The following MARCHF3 variants were observed in gnomAD, a reference collection of about 807,000 sequenced individuals.
MARCHF3 encodes the protein E3 ubiquitin-protein ligase MARCHF3.
Under a neutral mutation model 24.2 loss-of-function variants are expected in MARCHF3, and 13 were observed. The observed-to-expected ratio is 0.54, with a 90% CI of 0.35 to 0.85. The LOEUF (loss-of-function observed/expected upper bound fraction) is 0.85, where lower values mean the gene tolerates loss of function less well. Among genes scored for constraint, MARCHF3 ranks in the 40% least tolerant of loss-of-function variants. The pLI is 0.01. For missense variants in MARCHF3, 276 were observed against 325.0 expected, an observed-to-expected ratio of 0.85 and a Z score of 1.16; for synonymous variants, 144 against 137.3, an observed-to-expected ratio of 1.05 and a Z score of -0.34.
chr5:127,002,349 G>T (rs1171362253), intron 1 of MARCHF3, among the ~76,000 whole-genome samples: 1 of 152,124 alleles, frequency 6.6e-6, no homozygotes, highest in African/African-American at 2.4e-5. Context: ...TACCACTTAA[G>T]TCTGGCTTAT....
chr5:126,871,310 C>G (rs995597107), intron 4 of MARCHF3, among the ~76,000 whole-genome samples: 1 of 152,186 alleles, frequency 6.6e-6, no homozygotes, highest in African/African-American at 2.4e-5. Flanking sequence ...ACAACCTGCC[C>G]AACAGCCTGG....
At chr5:126,917,621 G>A (rs540119290) in intron 2 of MARCHF3, among the ~76,000 whole-genome samples, 4 of 152,188 alleles carry the variant, frequency 2.6e-5, no homozygotes, top group East Asian at 1.9e-4. Context: ...TGACTCAGTC[G>A]CCTGAAATCA....
chr5:126,889,488 G>C (rs994645450), intron 3 of MARCHF3, among the ~76,000 whole-genome samples: 1 of 151,994 alleles, frequency 6.6e-6, no homozygotes, highest in African/African-American at 2.4e-5. Flanking sequence ...TATCCAAGCA[G>C]AGTATGGTGG....
intron 1 of MARCHF3, among the ~76,000 whole-genome samples, chr5:126,994,113 C>T (rs1324749497): frequency 6.6e-6 from 1 of 152,206 alleles, no homozygotes; most frequent in African/African-American, 2.4e-5. Flanking sequence ...CTGGAAACAA[C>T]CCAAATGTCC....
Position 126,963,729 on chromosome 5 carries a change from T to A in MARCHF3, c.-56-45502A>T, listed in dbSNP as rs190270835. 2.0e-5 allele frequency among the ~76,000 whole-genome samples: 3 copies of A among 152,278 alleles called. No individual in the cohort carries two copies. In the East Asian group the frequency reaches 5.8e-4, roughly 29 times the overall value. The stretch of plus-strand genomic sequence containing the variant: ...CAGCTGAAAAAGAGCAAGTAGAGGA[T>A]TTTGACTCTTCTTTAATTGGTATAC... On this transcript the variant is annotated intron_variant, in intron 1 of 4. Coordinates refer to ENST00000308660, the MANE Select transcript of MARCHF3 (RefSeq NM_178450.5).
At chr5:126,874,126 G>A (rs571752806) in intron 4 of MARCHF3, among the ~76,000 whole-genome samples, 90 of 152,284 alleles carry the variant, frequency 5.9e-4, no homozygotes, top group Middle Eastern at 3.4e-3. Context: ...TATGGGATGC[G>A]CTTCCTGAAG....
At chr5:126,941,841 G>T (rs1157336805) in intron 1 of MARCHF3, among the ~76,000 whole-genome samples, 5 of 152,184 alleles carry the variant, frequency 3.3e-5, no homozygotes, top group African/African-American at 1.2e-4. Context: ...CGAGAGTCAG[G>T]TCCTGTAAGG....
At chr5:126,934,579 T>G (rs1198531931) in intron 1 of MARCHF3, among the ~76,000 whole-genome samples, 1 of 152,022 alleles carries the variant, frequency 6.6e-6, no homozygotes, top group Non-Finnish European at 1.5e-5. Flanking sequence ...TGCAAGCATC[T>G]CTAAAACAAA....
intron 1 of MARCHF3, among the ~76,000 whole-genome samples, chr5:126,944,046 A>G (rs112791227): frequency 0.051 from 7,773 of 151,910 alleles, 368 homozygotes; most frequent in South Asian, 0.14. Flanking sequence ...TCCTGACCTC[A>G]TGATCCACCC....
chr5:126,988,390 G>T lies in MARCHF3; in HGVS notation c.-57+41960C>A, dbSNP rs183686104. Among the ~76,000 whole-genome samples, 55 of 152,330 alleles carry T rather than the reference G, an allele frequency of 3.6e-4. 1 individual carries two copies. The highest frequency in any genetic ancestry group is 1.3e-3 in the African/African-American group (55 of 41,576). Reference sequence around the variant, plus strand: ...AGCCCCTTGCTCTTAAATACAGATGGATAACCAAAGTTCACCACTCATATC... The same window carrying T: ...AGCCCCTTGCTCTTAAATACAGATGTATAACCAAAGTTCACCACTCATATC... On this transcript the variant is annotated intron_variant, in intron 1 of 4. Transcript: ENST00000308660.
intron 3 of MARCHF3, among the ~76,000 whole-genome samples, chr5:126,880,318 C>T (rs964518222): frequency 3.3e-5 from 5 of 152,016 alleles, no homozygotes; most frequent in Admixed American, 6.6e-5. Flanking sequence ...AGTTTCACCT[C>T]GAAAGTGGAC....
chr5:126,921,680 T>C (rs1294170233), intron 1 of MARCHF3, among the ~76,000 whole-genome samples: 3 of 152,242 alleles, frequency 2.0e-5, no homozygotes, highest in Non-Finnish European at 2.9e-5. Flanking sequence ...GGTAAAGTAC[T>C]TCCCAGTCTA....
At position 126,870,559 on chromosome 5, in the gene MARCHF3, T is replaced by C; in HGVS notation, c.*74A>G. The C allele has an allele frequency of 7.0e-7, 1 of 1,421,304 alleles. No individual in the cohort carries two copies. Among genetic ancestry groups the C allele is most frequent in the Non-Finnish European group, 9.8e-7 (1 of 1,017,032 alleles). 88.0% of individuals were successfully genotyped at this position (1,421,304 alleles called of 1,614,324 possible). ...GCTTAAGGAAGGGCTTGGGGGTCGC[T>C]CAGTGCATGACCCCAGTGCAGACAC... On this transcript the variant is annotated 3_prime_UTR_variant, in exon 5 of 5. Coordinates refer to ENST00000308660, the MANE Select transcript of MARCHF3 (RefSeq NM_178450.5).
At chr5:126,917,492 G>A (rs375507031) in intron 2 of MARCHF3, among the ~76,000 whole-genome samples, 8 of 152,276 alleles carry the variant, frequency 5.3e-5, no homozygotes, top group African/African-American at 1.9e-4. Context: ...AGACCTCCAA[G>A]TGATAAGAAG....
At chr5:126,997,318 G>C (rs1358449675) in intron 1 of MARCHF3, among the ~76,000 whole-genome samples, 2 of 152,202 alleles carry the variant, frequency 1.3e-5, no homozygotes, top group African/African-American at 4.8e-5. Flanking sequence ...CAGGTAGTCA[G>C]AGAAGACTTC....
intron 1 of MARCHF3, among the ~76,000 whole-genome samples, chr5:126,982,844 T>C (rs540728993): frequency 6.6e-6 from 1 of 152,314 alleles, no homozygotes; most frequent in South Asian, 2.1e-4. Context: ...TATATATGCC[T>C]TGTTCTGAAT....
intron 1 of MARCHF3, among the ~76,000 whole-genome samples, chr5:126,981,344 G>A (rs980860103): frequency 6.6e-6 from 1 of 152,150 alleles, no homozygotes; most frequent in Non-Finnish European, 1.5e-5. Flanking sequence ...ATCCATTCAG[G>A]GATCAACTAA....
At position 126,887,968 on chromosome 5, in the gene MARCHF3, T is replaced by A. The variant is rs193291388; in HGVS notation, c.394-9574A>T. Among the ~76,000 whole-genome samples the A allele has an allele frequency of 1.1e-4, 16 of 152,352 alleles. No homozygotes were observed. In the East Asian group the frequency reaches 3.1e-3, roughly 29 times the overall value. On this transcript the variant is annotated intron_variant, in intron 3 of 4. Transcript: ENST00000308660. Reference sequence around the variant, plus strand: ...TTATTTACTTGTTCATTCTGTTCCTTTCTCCCCAGCAGGGAAGCTCTGTTA... The same window carrying A: ...TTATTTACTTGTTCATTCTGTTCCTATCTCCCCAGCAGGGAAGCTCTGTTA...
At chr5:126,873,160 C>T (rs922160797) in intron 4 of MARCHF3, among the ~76,000 whole-genome samples, 1 of 152,064 alleles carries the variant, frequency 6.6e-6, no homozygotes, top group African/African-American at 2.4e-5. Flanking sequence ...GGCTCCGGAG[C>T]CAGGCACACG....
Sources: gnomAD v4.1 joint callset for allele counts (sites outside exome capture counted in the v4.1 genomes callset) on GRCh38, gnomAD v4.1.1 for gene constraint, MANE v1.5 for transcripts, NCBI Gene and HGNC (gene_info 2026-07-23, HGNC 2026-07-21) for gene names.